CMPK1: variants seen among roughly 807,000 people sequenced by gnomAD.
CMPK1 encodes the protein UMP-CMP kinase.
In CMPK1, 10 loss-of-function variants were observed where a neutral mutation model predicts 25.7. The ratio of observed to expected loss-of-function variants is 0.39; its 90% CI spans 0.24 to 0.66. The LOEUF (loss-of-function observed/expected upper bound fraction) is 0.66. Among genes scored for constraint, CMPK1 ranks in the 30% least tolerant of loss-of-function variants. CMPK1 has a pLI of 0.48. For missense variants in CMPK1, 199 were observed against 280.5 expected (o/e 0.71, Z 2.08); for synonymous variants, 106 against 101.5 (o/e 1.04, Z -0.27).
intron 1 of CMPK1, among the ~76,000 whole-genome samples, chr1:47,337,073 A>T (rs969531715): frequency 6.6e-6 from 1 of 152,194 alleles, no homozygotes; most frequent in East Asian, 1.9e-4. Context: ...TCACGAGGTC[A>T]GGAGATTGAG....
At chr1:47,359,497 CCTGTTT>C (rs1467706620) in intron 1 of CMPK1, among the ~76,000 whole-genome samples, 1 of 147,692 alleles carries the variant, frequency 6.8e-6, no homozygotes, top group Non-Finnish European at 1.5e-5. Flanking sequence ...AAGTGATTCT[CCTGTTT>C]CAGCCTCCTG....
Position 47,347,706 on chromosome 1 carries a change from A to G in CMPK1, c.171+13590A>G, listed in dbSNP as rs942639814. Among the ~76,000 whole-genome samples the G allele has an allele frequency of 1.0e-3, 157 of 152,036 alleles. 1 individual carries two copies. Among genetic ancestry groups the G allele is most frequent in the African/African-American group, 3.6e-3 (149 of 41,476 alleles). ...AGTGGTGCAATCTCAGCTCACTGCA[A>G]CCTGTGTCTCCCAGGTTCAAGCGAA... On this transcript the variant is annotated intron_variant, in intron 1 of 5. Coordinates refer to ENST00000371873, the MANE Select transcript of CMPK1 (RefSeq NM_016308.3).
At position 47,365,633 on chromosome 1, in the gene CMPK1, C is replaced by CAAAAA. The variant is rs10623948; in HGVS notation, c.172-2823_172-2819dup. Among the ~76,000 whole-genome samples the CAAAAA allele has an allele frequency of 9.5e-3, 1,032 of 108,328 alleles. 37 individuals carry two copies. The highest frequency in any genetic ancestry group is 0.034 in the African/African-American group (872 of 25,840). The allele number at this position is 108,328 out of a possible 152,430, so 71.1% of individuals were successfully genotyped here. A position where few individuals can be genotyped will look rare whatever the true frequency, so the allele number is the denominator to read the frequency against. Reference sequence around the variant, plus strand: ...TGGGTGACAGAGTGAGACCCTGTCTCAAAAAAAAAAAAAAAAAGTGAGAGA... The same window carrying CAAAAA: ...TGGGTGACAGAGTGAGACCCTGTCTCAAAAAAAAAAAAAAAAAAAAAAGTGAGAGA... On this transcript the variant is annotated intron_variant, in intron 1 of 5. Coordinates refer to ENST00000371873, the MANE Select transcript of CMPK1 (RefSeq NM_016308.3).
chr1:47,355,799 G>A (rs1646556884), intron 1 of CMPK1, among the ~76,000 whole-genome samples: 1 of 151,688 alleles, frequency 6.6e-6, no homozygotes, highest in Non-Finnish European at 1.5e-5. Context: ...TAGAGACAGG[G>A]TTTCACTATG....
At chr1:47,367,806 C>T (rs1320327413) in intron 1 of CMPK1, among the ~76,000 whole-genome samples, 1 of 152,066 alleles carries the variant, frequency 6.6e-6, no homozygotes, top group African/African-American at 2.4e-5. Context: ...CTTGCTCTGT[C>T]ACCCAGGCTG....
At chr1:47,362,413 C>T (rs1308329855) in intron 1 of CMPK1, among the ~76,000 whole-genome samples, 1 of 151,558 alleles carries the variant, frequency 6.6e-6, no homozygotes, top group Non-Finnish European at 1.5e-5. Context: ...GGTGATCCGC[C>T]CGACTTGGCC....
intron 1 of CMPK1, among the ~76,000 whole-genome samples, chr1:47,357,075 TG>T (rs1168844262): frequency 6.6e-6 from 1 of 151,700 alleles, no homozygotes; most frequent in East Asian, 1.9e-4. Flanking sequence ...GCCATTCTCC[TG>T]CCTCAGCCTC....
rs949345313 is a variant in CMPK1 at position 47,377,291 on chromosome 1, A to C, written c.*546A>C. 4 of 152,396 alleles carry C rather than the reference A, an allele frequency of 2.6e-5. No homozygotes were observed. The highest frequency in any genetic ancestry group is 5.9e-5 in the Non-Finnish European group (4 of 68,032). 9.4% of individuals were successfully genotyped at this position (152,396 alleles called of 1,614,324 possible). ...ACCATTTGCTGTAGAAAGATGAGAA[A>C]ACTTAAGCTTTGTTTTACTACAACT... is the stretch of plus-strand genomic sequence containing the variant. On this transcript the variant is annotated 3_prime_UTR_variant, in exon 6 of 6. Transcript: ENST00000371873.
At chr1:47,358,058 T>C (rs571306068) in intron 1 of CMPK1, among the ~76,000 whole-genome samples, 2 of 151,794 alleles carry the variant, frequency 1.3e-5, no homozygotes, top group African/African-American at 4.8e-5. Context: ...CTGTATGAGT[T>C]TGTCTATCTC....
chr1:47,348,803 C>T (rs1255741739), intron 1 of CMPK1, among the ~76,000 whole-genome samples: 1 of 152,136 alleles, frequency 6.6e-6, no homozygotes, highest in Admixed American at 6.6e-5. Context: ...TTTAATTTAA[C>T]CCACAAGCTT....
intron 1 of CMPK1, among the ~76,000 whole-genome samples, chr1:47,346,331 C>T (rs1260728166): frequency 6.6e-6 from 1 of 151,922 alleles, no homozygotes; most frequent in East Asian, 1.9e-4. Context: ...CCCAAAGTGG[C>T]TCCCAGGCAT....
chr1:47,337,090 C>G (rs1044328931), intron 1 of CMPK1, among the ~76,000 whole-genome samples: 1 of 152,130 alleles, frequency 6.6e-6, no homozygotes, highest in Non-Finnish European at 1.5e-5. Context: ...TGAGACCATC[C>G]TGGCTAACAA....
intron 4 of CMPK1, 84 bp downstream of exon 4, chr1:47,375,069 T>C: frequency 7.6e-7 from 1 of 1,315,510 alleles, no homozygotes; most frequent in East Asian, 2.3e-5. Context: ...CATTTAAACA[T>C]GTAAAATGGC....
At chr1:47,343,332 T>A (rs569633026) in intron 1 of CMPK1, among the ~76,000 whole-genome samples, 1 of 97,332 alleles carries the variant, frequency 1.0e-5, no homozygotes, top group East Asian at 3.7e-4. Context: ...GCGCAGTGGC[T>A]CACACCTGTA....
chr1:47,345,570 T>G (rs1034459457), intron 1 of CMPK1, among the ~76,000 whole-genome samples: 3 of 151,070 alleles, frequency 2.0e-5, no homozygotes, highest in Non-Finnish European at 4.4e-5. Context: ...CTTGGCTCAC[T>G]GCAAGCTCCA....
intron 2 of CMPK1, among the ~76,000 whole-genome samples, chr1:47,370,217 C>G (rs1010177038): frequency 4.6e-5 from 7 of 151,702 alleles, no homozygotes; most frequent in African/African-American, 1.7e-4. Flanking sequence ...ATGCCCAGCC[C>G]TTTCTCTGTT....
intron 1 of CMPK1, among the ~76,000 whole-genome samples, chr1:47,346,614 C>T (rs1217648555): frequency 6.6e-6 from 1 of 151,948 alleles, no homozygotes; most frequent in African/African-American, 2.4e-5. Context: ...AGCAATTGTC[C>T]TGCCTCATCC....
intron 1 of CMPK1, among the ~76,000 whole-genome samples, chr1:47,337,290 TA>T (rs1646405974): frequency 6.7e-6 from 1 of 149,844 alleles, no homozygotes; most frequent in African/African-American, 2.5e-5. Context: ...CTCAAAAAAA[TA>T]AAATAAATAA....
chr1:47,375,288 G>A lies in CMPK1; in HGVS notation c.640G>A (p.Asp214Asn). 6.4e-7 allele frequency: 1 copy of A among 1,570,874 alleles called. No homozygotes were observed. Among genetic ancestry groups the A allele is most frequent in the Non-Finnish European group, 8.7e-7 (1 of 1,153,928 alleles). Residue 214 changes from aspartate (D) to asparagine (N), a missense_variant, in exon 5 of 6, where the codon GAT becomes AAT. Coordinates refer to ENST00000371873, the MANE Select transcript of CMPK1 (RefSeq NM_016308.3). ...VKKIDASKSV[D>N]EVFDEVVQIF... ...GAAAATAGATGCTTCTAAATCTGTTGATGAAGTAAGTGTTCCTAGCCTGTC... is the reference window on the plus strand; with the variant it reads ...GAAAATAGATGCTTCTAAATCTGTTAATGAAGTAAGTGTTCCTAGCCTGTC...
Sources: allele counts gnomAD v4.1 joint callset (sites outside exome capture counted in the v4.1 genomes callset), GRCh38; gene constraint gnomAD v4.1.1; transcripts MANE v1.5; gene names NCBI Gene and HGNC (gene_info 2026-07-23, HGNC 2026-07-21).